Variants in TJP2 observed in about 807,000 individuals in gnomAD.
TJP2 encodes the protein tight junction protein 2.
TJP2 carries 91 observed loss-of-function variants against 133.1 expected under a neutral mutation model. That is an observed-to-expected ratio of 0.68 (90% CI 0.58 to 0.81). TJP2 has a LOEUF of 0.81. Ranked by LOEUF, TJP2 falls within the 40% of genes least tolerant of loss-of-function variation. TJP2 has a pLI of 0.00. For synonymous variants in TJP2, 592 were observed against 583.4 expected (o/e 1.01, Z -0.21); for missense variants, 1,541 against 1,565.6 (o/e 0.98, Z 0.26).
intron 1 of TJP2, among the ~76,000 whole-genome samples, chr9:69,129,314 C>T (rs1244828516): frequency 6.6e-5 from 10 of 152,078 alleles, no homozygotes. Context: ...AGTTCGAGAC[C>T]AGCCTGGCCA....
Position 69,221,182 on chromosome 9 carries a change from G to A in TJP2, c.638G>A (p.Arg213Gln), listed in dbSNP as rs775377668. 2 of 1,599,872 alleles carry A rather than the reference G, an allele frequency of 1.3e-6. No homozygotes were observed. Among genetic ancestry groups the A allele is most frequent in the South Asian group, 1.1e-5 (1 of 89,360 alleles). Reference protein sequence around the residue: ...RGLDQDHARTRDRSRGRSLER... With the variant: ...RGLDQDHARTQDRSRGRSLER... ...CTGGACCAAGACCATGCGCGCACCC[G>A]AGACCGCAGCCGTGGCCGGAGCCTG... Residue 213 changes from arginine (R) to glutamine (Q), a missense_variant, in exon 5 of 23, where the codon CGA (arginine) becomes CAA (glutamine). Physicochemically the swap from Arg to Gln is conservative, Grantham distance 43. Transcript: ENST00000377245.
chr9:69,250,134 A>C (rs1416355520), intron 20 of TJP2, among the ~76,000 whole-genome samples: 1 of 152,016 alleles, frequency 6.6e-6, no homozygotes, highest in Non-Finnish European at 1.5e-5. Flanking sequence ...ACAGAGTCTC[A>C]CTCTGTTGCC....
chr9:69,145,270 A>C (rs1823164196), intron 1 of TJP2, among the ~76,000 whole-genome samples: 1 of 152,194 alleles, frequency 6.6e-6, no homozygotes, highest in Admixed American at 6.5e-5. Flanking sequence ...TAGAAAGAGC[A>C]AATCTGTTTC....
chr9:69,220,820 A>T (rs1397378894), intron 4 of TJP2, 67 bp from the exon 5 acceptor site: 6 of 1,515,388 alleles, frequency 4.0e-6, no homozygotes, highest in Non-Finnish European at 4.6e-6. Flanking sequence ...CAGGGCTCTT[A>T]ACCACTGCCT....
Position 69,248,188 on chromosome 9 carries a change from C to T in TJP2, c.2844C>T (p.Ser948=). The T allele has an allele frequency of 6.2e-7, 1 of 1,611,900 alleles. No homozygotes were observed. The highest frequency in any genetic ancestry group is 8.5e-7 in the Non-Finnish European group (1 of 1,178,922). The part of the protein sequence containing the change: ...DEPAEEPLVS[S]ITRSSEPVQH... ...CAGCCGAGGAGCCGCTGGTGTCGTCCATCACCCGCTCCTCGGAGCCGGTGC... is the reference window on the plus strand; with the variant it reads ...CAGCCGAGGAGCCGCTGGTGTCGTCTATCACCCGCTCCTCGGAGCCGGTGC... The change falls in exon 19 of 23, where the codon TCC becomes TCT. Residue 948 remains serine, a synonymous_variant. Coordinates refer to ENST00000377245, the MANE Select transcript of TJP2 (RefSeq NM_004817.4).
intron 1 of TJP2, among the ~76,000 whole-genome samples, chr9:69,211,431 T>C (rs565520594): frequency 1.3e-3 from 204 of 152,374 alleles, no homozygotes; most frequent in African/African-American, 4.6e-3. Flanking sequence ...TTAAAGTCTT[T>C]GATTCTTCAG....
At chr9:69,137,314 C>T (rs867921964) in intron 1 of TJP2, among the ~76,000 whole-genome samples, 51 of 100,564 alleles carry the variant, frequency 5.1e-4, no homozygotes, top group South Asian at 1.0e-3. Flanking sequence ...CTTTTCTTTT[C>T]TTTTCTTTTC....
At chr9:69,211,953 A>G (rs548234095) in intron 1 of TJP2, among the ~76,000 whole-genome samples, 1 of 152,262 alleles carries the variant, frequency 6.6e-6, no homozygotes, top group East Asian at 1.9e-4. Flanking sequence ...TTATTTTTAA[A>G]ATGATACCAC....
At position 69,238,745 on chromosome 9, in the gene TJP2, A is replaced by C; in HGVS notation, c.2311A>C (p.Thr771Pro). The change falls in exon 16 of 23, where the codon ACT becomes CCT. Residue 771 changes from threonine (T) to proline (P), a missense_variant. Thr to Pro is a conservative substitution (Grantham distance 38, BLOSUM62 -1). Transcript: ENST00000377245. ...AAAAGATGCAGGATCTGAGAAATCC[A>C]CTGGAGTGGTCCGGTTAAATACCGT... The part of the protein sequence containing the change: ...EPKDAGSEKS[T>P]GVVRLNTVRQ... The C allele has an allele frequency of 6.2e-7, 1 of 1,614,054 alleles. No homozygotes were observed. The highest frequency in any genetic ancestry group is 8.5e-7 in the Non-Finnish European group (1 of 1,179,940).
At chr9:69,194,514 A>G (rs1826414444) in intron 1 of TJP2, among the ~76,000 whole-genome samples, 3 of 152,224 alleles carry the variant, frequency 2.0e-5, no homozygotes, top group Admixed American at 6.5e-5. Flanking sequence ...GCTATTTACA[A>G]ATTTAAATTA....
In TJP2 at chr9:69,227,863, G is replaced by A; in HGVS notation, c.1309G>A (p.Glu437Lys). The A allele has an allele frequency of 6.2e-7, 1 of 1,613,692 alleles. No individual in the cohort carries two copies. Among genetic ancestry groups the A allele is most frequent in the Non-Finnish European group, 8.5e-7 (1 of 1,179,596 alleles). Residue 437 changes from glutamate (E) to lysine (K), a missense_variant, in exon 8 of 23, where the codon GAA becomes AAA. Transcript: ENST00000377245. Reference sequence around the variant, plus strand: ...TCATTCCTCAAGTGAGAAGCTGAAGGAAAGGCCAAGGTAAGATGACATGAA... The same window carrying A: ...TCATTCCTCAAGTGAGAAGCTGAAGAAAAGGCCAAGGTAAGATGACATGAA... The part of the protein sequence containing the change: ...DYHSSSEKLK[E>K]RPSSREDTPS...
chr9:69,248,430 TTG>T, intron 19 of TJP2: 1 of 1,425,472 alleles, frequency 7.0e-7, no homozygotes, highest in Non-Finnish European at 9.2e-7. Flanking sequence ...TCAGAAGAGC[TTG>T]AGGGGTCAGC....
chr9:69,183,770 T>C (rs1431057601), intron 1 of TJP2, among the ~76,000 whole-genome samples: 1 of 152,236 alleles, frequency 6.6e-6, no homozygotes, highest in East Asian at 1.9e-4. Context: ...AGTCTCACTC[T>C]GTCACCCAGG....
chr9:69,222,380 G>A (rs1828951565), intron 5 of TJP2, among the ~76,000 whole-genome samples: 1 of 151,464 alleles, frequency 6.6e-6, no homozygotes. Context: ...TGGCCAGGCT[G>A]GTCTCAAACT....
chr9:69,198,802 G>T (rs1323457523), intron 1 of TJP2, among the ~76,000 whole-genome samples: 1 of 152,168 alleles, frequency 6.6e-6, no homozygotes, highest in Non-Finnish European at 1.5e-5. Context: ...ACGATGAAAG[G>T]GTTTTGTTTG....
At chr9:69,179,284 G>GT (rs879337946) in intron 1 of TJP2, among the ~76,000 whole-genome samples, 9 of 152,098 alleles carry the variant, frequency 5.9e-5, no homozygotes, top group Non-Finnish European at 1.0e-4. Context: ...GTTAAATCAG[G>GT]TTTTTTAACC....
In TJP2 at chr9:69,223,069, G is replaced by GAAAAAA. The variant is rs57114714; in HGVS notation, c.952+1590_952+1595dup. ...GGGTGACAGAGCGAGACTCTGTCTT[G>GAAAAAA]AAAAAAAAAAAAAAAAAAAAAAGAA... On this transcript the variant is annotated intron_variant, in intron 5 of 22. Transcript: ENST00000377245. Among the ~76,000 whole-genome samples the GAAAAAA allele has an allele frequency of 1.3e-3, 145 of 114,054 alleles. 2 individuals carry two copies. Among genetic ancestry groups the GAAAAAA allele is most frequent in the South Asian group, 3.6e-3 (10 of 2,788 alleles). 74.8% of individuals were successfully genotyped at this position (114,054 alleles called of 152,430 possible). A position where few individuals can be genotyped will look rare whatever the true frequency, so the allele number is the denominator to read the frequency against.
intron 14 of TJP2, among the ~76,000 whole-genome samples, chr9:69,237,395 G>A (rs942371919): frequency 1.3e-5 from 2 of 152,184 alleles, no homozygotes; most frequent in African/African-American, 4.8e-5. Flanking sequence ...GCTGGGCACT[G>A]TACCTTATGC....
chr9:69,150,007 G>A (rs1823391780), intron 1 of TJP2, among the ~76,000 whole-genome samples: 2 of 151,822 alleles, frequency 1.3e-5, no homozygotes, highest in African/African-American at 4.8e-5. Flanking sequence ...AAAATTAGCC[G>A]GCCGTGGTGG....
Sources: allele counts gnomAD v4.1 joint callset (sites outside exome capture counted in the v4.1 genomes callset), GRCh38; gene constraint gnomAD v4.1.1; transcripts MANE v1.5; gene names NCBI Gene and HGNC (gene_info 2026-07-23, HGNC 2026-07-21).